COLEC11: variants seen among roughly 807,000 people sequenced by gnomAD.
The protein encoded by COLEC11 is collectin-11.
In COLEC11, 20 loss-of-function variants were observed where a neutral mutation model predicts 27.3. The ratio of observed to expected loss-of-function variants is 0.73; its 90% CI spans 0.51 to 1.06. The LOEUF (loss-of-function observed/expected upper bound fraction) is 1.06. Among genes scored for constraint, COLEC11 ranks in the 50% least tolerant of loss-of-function variants. COLEC11 has a pLI of 0.00. For missense variants in COLEC11, 310 were observed against 383.0 expected, an observed-to-expected ratio of 0.81 and a Z score of 1.59; for synonymous variants, 163 against 154.7, an observed-to-expected ratio of 1.05 and a Z score of -0.40.
chr2:3,613,976 C>CTTTTTTTTTTT lies in COLEC11; in HGVS notation c.202+597_202+598insTTTTTTTTTTT, dbSNP rs1461288131. 2.5e-4 allele frequency among the ~76,000 whole-genome samples: 23 copies of CTTTTTTTTTTT among 91,346 alleles called. 1 individual carries two copies. Among genetic ancestry groups the CTTTTTTTTTTT allele is most frequent in the African/African-American group, 7.9e-4 (23 of 28,958 alleles). 59.9% of individuals were successfully genotyped at this position (91,346 alleles called of 152,430 possible). On this transcript the variant is annotated intron_variant, in intron 3 of 6. Transcript: ENST00000349077. ...AAGTGTTTTTTCTTTTTCTTTCTTTCTTTCTTTTTTTTTTTTTTGAGACTG... is the reference window on the plus strand; with the variant it reads ...AAGTGTTTTTTCTTTTTCTTTCTTTCTTTTTTTTTTTTTTCTTTTTTTTTTTTTTGAGACTG...
rs566656349 is a variant in COLEC11, at chr2:3,613,936, G to GC, written c.202+555dup. Among the ~76,000 whole-genome samples the GC allele has an allele frequency of 5.8e-3, 882 of 151,252 alleles. 5 individuals are homozygous for GC. The highest frequency in any genetic ancestry group is 0.028 in the Middle Eastern group (8 of 290). ...TTATCTTTATATACTCCTTGTTACT[G>GC]CTTAAAATTTTTTTAAGTGTTTTTT... On this transcript the variant is annotated intron_variant, in intron 3 of 6. Coordinates refer to ENST00000349077, the MANE Select transcript of COLEC11 (RefSeq NM_024027.5).
chr2:3,616,113 A>G (rs112029295), intron 3 of COLEC11, among the ~76,000 whole-genome samples: 2 of 144,556 alleles, frequency 1.4e-5, no homozygotes, highest in African/African-American at 2.7e-5. Context: ...CTCCTCAGAT[A>G]CCACACGGGG....
intron 3 of COLEC11, among the ~76,000 whole-genome samples, chr2:3,626,738 G>A (rs895816236): frequency 6.6e-6 from 1 of 152,232 alleles, no homozygotes; most frequent in Middle Eastern, 3.2e-3. Flanking sequence ...GTCAAAGAGA[G>A]AATGGAATAT....
At chr2:3,606,053 A>G (rs980556009) in intron 2 of COLEC11, 2 of 1,547,076 alleles carry the variant, frequency 1.3e-6, no homozygotes, top group Non-Finnish European at 1.7e-6. Context: ...CGGCTCTCTC[A>G]GAAGTTTTGG....
At chr2:3,636,922 T>C (rs12616631) in intron 3 of COLEC11, among the ~76,000 whole-genome samples, 121,392 of 152,148 alleles carry the variant, frequency 0.8, 48,785 homozygotes, top group African/African-American at 0.89. Context: ...CACCACTGCA[T>C]ACACCTAAGC....
intron 6 of COLEC11, 78 bp downstream of exon 6, chr2:3,643,617 G>T: frequency 6.3e-7 from 1 of 1,597,144 alleles, no homozygotes; most frequent in Non-Finnish European, 8.6e-7. Flanking sequence ...GGGCTCTGCC[G>T]TGCCCACGCC....
In COLEC11 at chr2:3,615,829, ACGCGGCGGCTGGCCGGG is replaced by A. The variant is rs1558498907; in HGVS notation, c.202+2449_202+2465del. 9.2e-4 allele frequency among the ~76,000 whole-genome samples: 25 copies of A among 27,218 alleles called. No individual in the cohort carries two copies. The East Asian group carries it at 0.035, about 39-fold the overall frequency. 17.9% of individuals were successfully genotyped at this position (27,218 alleles called of 152,430 possible). On this transcript the variant is annotated intron_variant, in intron 3 of 6. Coordinates refer to ENST00000349077, the MANE Select transcript of COLEC11 (RefSeq NM_024027.5). ...GGGCTGCCCCCCACCTCCCTCCCGG[ACGCGGCGGCTGGCCGGG>A]CAGGGGCTGCCCCCCACCTCCCTCC...
At chr2:3,628,902 TG>T (rs1664766492) in intron 3 of COLEC11, among the ~76,000 whole-genome samples, 1 of 152,310 alleles carries the variant, frequency 6.6e-6, no homozygotes, top group South Asian at 2.1e-4. Context: ...GGATGGGCTG[TG>T]GCGTTCGTGC....
intron 3 of COLEC11, among the ~76,000 whole-genome samples, chr2:3,630,843 G>T (rs531581881): frequency 6.6e-6 from 1 of 152,096 alleles, no homozygotes; most frequent in Non-Finnish European, 1.5e-5. Flanking sequence ...CTTCACTCTC[G>T]GCCAGTCTGC....
intron 3 of COLEC11, among the ~76,000 whole-genome samples, chr2:3,634,492 A>G (rs1490969910): frequency 6.6e-6 from 1 of 152,136 alleles, no homozygotes; most frequent in Non-Finnish European, 1.5e-5. Flanking sequence ...CCCCTCAGTT[A>G]TATTCCAGGG....
chr2:3,602,508 A>C lies in COLEC11; in HGVS notation c.-26-1807A>C, dbSNP rs1280282183. On this transcript the variant is annotated intron_variant, in intron 1 of 6. Coordinates refer to ENST00000349077, the MANE Select transcript of COLEC11 (RefSeq NM_024027.5). The surrounding 1 kb of genome is among the most constrained non-coding windows in gnomAD (Gnocchi z 6.2). ...CAGCTTTGCTTCCAGACTGCATCCCATACCTCTGTCATCACCTCCACCCAC... is the reference window on the plus strand; with the variant it reads ...CAGCTTTGCTTCCAGACTGCATCCCCTACCTCTGTCATCACCTCCACCCAC... 6.6e-6 allele frequency among the ~76,000 whole-genome samples: 1 copy of C among 152,028 alleles called. No homozygotes were observed. Among genetic ancestry groups the C allele is most frequent in the Non-Finnish European group, 1.5e-5 (1 of 68,000 alleles).
intron 3 of COLEC11, among the ~76,000 whole-genome samples, chr2:3,635,683 G>A (rs142573324): frequency 4.9e-4 from 75 of 152,330 alleles, no homozygotes; most frequent in Non-Finnish European, 8.2e-4. Context: ...CCTGGTGTGC[G>A]AAGCAGAGTC....
At chr2:3,634,466 C>T (rs927008194) in intron 3 of COLEC11, among the ~76,000 whole-genome samples, 2 of 152,224 alleles carry the variant, frequency 1.3e-5, no homozygotes, top group Non-Finnish European at 2.9e-5. Flanking sequence ...GTGCCTCCTC[C>T]TGCAGCAAAG....
intron 2 of COLEC11, among the ~76,000 whole-genome samples, chr2:3,612,298 A>G (rs545523821): frequency 2.0e-5 from 3 of 152,316 alleles, no homozygotes; most frequent in East Asian, 3.9e-4. Flanking sequence ...CCTGTCTGCA[A>G]CCATTCAGAG....
At chr2:3,595,575 G>A (rs1312254691) in intron 1 of COLEC11, among the ~76,000 whole-genome samples, 1 of 152,212 alleles carries the variant, frequency 6.6e-6, no homozygotes, top group Non-Finnish European at 1.5e-5. Flanking sequence ...CGGGCCAGGC[G>A]GACAGCAGCC....
chr2:3,615,419 G>A (rs1480994403), intron 3 of COLEC11, among the ~76,000 whole-genome samples: 3 of 152,190 alleles, frequency 2.0e-5, no homozygotes, highest in Non-Finnish European at 2.9e-5. Flanking sequence ...AACCCTGAGT[G>A]GACACAGCAC....
Position 3,640,310 on chromosome 2 carries a change from C to T in COLEC11, c.307C>T (p.Pro103Ser), listed in dbSNP as rs773032227. Residue 103 changes from proline (P) to serine (S), a missense_variant, in exon 5 of 7, where the codon CCT becomes TCT. By Grantham distance (74) the Pro-to-Ser change is moderately conservative. Transcript: ENST00000349077. Reference protein sequence around the residue: ...EKGDSGDIGPPGPNGEPGLPC... With the variant: ...EKGDSGDIGPSGPNGEPGLPC... ...AGGAGATTCCGGTGACATAGGACCC[C>T]CTGGTCCTAATGGAGAACCAGGTAT... 41 of 1,597,458 alleles carry T rather than the reference C, an allele frequency of 2.6e-5. No individual in the cohort carries two copies. The Admixed American group carries it at 6.8e-4, about 27-fold the overall frequency.
At chr2:3,641,187 C>T in intron 5 of COLEC11, 1 of 1,291,436 alleles carries the variant, frequency 7.7e-7, no homozygotes, top group African/African-American at 1.5e-5. Context: ...TCTTGGATAC[C>T]AGGGAGAAAA....
rs143535160 is a variant in COLEC11, at chr2:3,611,604, C to T, written c.131-1707C>T. Among the ~76,000 whole-genome samples the T allele has an allele frequency of 1.8e-3, 267 of 152,352 alleles. 2 individuals are homozygous for T. Among genetic ancestry groups the T allele is most frequent in the East Asian group, 0.016 (82 of 5,170 alleles). ...GATAAGAAAGCAAACTTGAGAACTA[C>T]TTGGAGCCTCAGAGCAGCATGTGGG... On this transcript the variant is annotated intron_variant, in intron 2 of 6. Transcript: ENST00000349077.
Sources: gnomAD v4.1 joint callset for allele counts (sites outside exome capture counted in the v4.1 genomes callset) on GRCh38, gnomAD v4.1.1 for gene constraint, Gnocchi (gnomAD v3.1) non-coding constraint, MANE v1.5 for transcripts, NCBI Gene and HGNC (gene_info 2026-07-23, HGNC 2026-07-21) for gene names.